The following ZNF280D variants were observed in gnomAD, a reference collection of about 807,000 sequenced individuals.
ZNF280D encodes the protein suppressor of hairy wing homolog 4.
Under a neutral mutation model 94.7 loss-of-function variants are expected in ZNF280D, and 39 were observed. The ratio of observed to expected loss-of-function variants is 0.41; its 90% confidence interval spans 0.32 to 0.54. ZNF280D has a LOEUF of 0.54. Ranked by LOEUF, ZNF280D falls within the 20% of genes least tolerant of loss-of-function variation. The probability of loss-of-function intolerance (pLI) is 0.22; values close to 1 mark genes in which losing one functional copy is unlikely to be tolerated. For missense variants in ZNF280D, 1,090 were observed against 1,149.3 expected, an observed-to-expected ratio of 0.95 and a Z score of 0.75; for synonymous variants, 398 against 377.6, an observed-to-expected ratio of 1.05 and a Z score of -0.63.
At chr15:56,728,334 A>T (rs1275037871) in intron 1 of ZNF280D, among the ~76,000 whole-genome samples, 1 of 152,338 alleles carries the variant, frequency 6.6e-6, no homozygotes, top group East Asian at 1.9e-4. Flanking sequence ...TACAACGCTT[A>T]AGTGCCCAAG....
intron 13 of ZNF280D, among the ~76,000 whole-genome samples, chr15:56,673,781 A>C (rs1213651795): frequency 6.6e-6 from 1 of 151,724 alleles, no homozygotes; most frequent in Non-Finnish European, 1.5e-5. Context: ...CCAGGTATAC[A>C]CTCACCTCAC....
Position 56,666,976 on chromosome 15 carries a change from C to T in ZNF280D, c.1556G>A (p.Arg519Gln). 1.3e-6 allele frequency: 2 copies of T among 1,583,060 alleles called. No homozygotes were observed. Among genetic ancestry groups the T allele is most frequent in the Non-Finnish European group, 1.7e-6 (2 of 1,166,004 alleles). The stretch of plus-strand genomic sequence containing the variant: ...TGATTGCAGAGGTCCAACTGAAGCT[C>T]GAATAGTAACCTACAAAAATAAAGA... ...GLPPGTKVTI[R>Q]ASVGPLQSGA... Residue 519 changes from arginine to glutamine, a missense_variant, in exon 15 of 22, where the codon CGA becomes CAA. By Grantham distance (43) the Arg-to-Gln change is conservative (BLOSUM62 1). Transcript: ENST00000267807.
chr15:56,731,742 C>G (rs990831359), intron 1 of ZNF280D, among the ~76,000 whole-genome samples: 16 of 151,980 alleles, frequency 1.1e-4, no homozygotes, highest in Non-Finnish European at 1.9e-4. Flanking sequence ...GTTCAGAAAA[C>G]AGAATGTGAG....
intron 1 of ZNF280D, chr15:56,724,833 A>G (rs2058553331): frequency 2.2e-6 from 1 of 450,542 alleles, no homozygotes; most frequent in South Asian, 1.6e-5. Context: ...AGTAGTGCCA[A>G]TTTTCTTATT....
intron 6 of ZNF280D, among the ~76,000 whole-genome samples, chr15:56,695,533 C>T (rs1483326635): frequency 7.1e-6 from 1 of 140,754 alleles, no homozygotes; most frequent in African/African-American, 2.7e-5. Flanking sequence ...CAAAAATTAA[C>T]TTTTTTTTTT....
At chr15:56,697,190 C>CT (rs1171483869) in intron 6 of ZNF280D, among the ~76,000 whole-genome samples, 154 of 146,430 alleles carry the variant, frequency 1.1e-3, no homozygotes, top group Admixed American at 3.1e-3. Context: ...ACACCTATTA[C>CT]TTTTTTTTTT....
At chr15:56,700,380 T>C in intron 6 of ZNF280D, 1 of 522,192 alleles carries the variant, frequency 1.9e-6, no homozygotes, top group Non-Finnish European at 2.5e-6. Context: ...AAGAACTAAA[T>C]GAAATGAATT....
At chr15:56,720,093 G>T (rs1264631225) in intron 1 of ZNF280D, among the ~76,000 whole-genome samples, 1 of 152,022 alleles carries the variant, frequency 6.6e-6, no homozygotes, top group Non-Finnish European at 1.5e-5. Flanking sequence ...TTTACAAAAG[G>T]TTTCTTGGTA....
chr15:56,685,562 A>G (rs1004990204), intron 9 of ZNF280D, among the ~76,000 whole-genome samples: 1 of 152,192 alleles, frequency 6.6e-6, no homozygotes, highest in Non-Finnish European at 1.5e-5. Context: ...AAAGGTAAAC[A>G]AATGCTCAGA....
At chr15:56,722,861 A>G (rs1322329159) in intron 1 of ZNF280D, among the ~76,000 whole-genome samples, 2 of 151,992 alleles carry the variant, frequency 1.3e-5, no homozygotes, top group Non-Finnish European at 2.9e-5. Context: ...GGATTAAGAA[A>G]ATGTGGCACA....
chr15:56,716,176 A>G (rs1456701759), intron 1 of ZNF280D, among the ~76,000 whole-genome samples: 1 of 152,124 alleles, frequency 6.6e-6, no homozygotes, highest in African/African-American at 2.4e-5. Context: ...TAGGAATACA[A>G]TAATGAACAA....
intron 4 of ZNF280D, among the ~76,000 whole-genome samples, chr15:56,703,548 T>C (rs1166073724): frequency 6.6e-6 from 1 of 152,252 alleles, no homozygotes; most frequent in East Asian, 1.9e-4. Context: ...TGAAAAAGAA[T>C]AAACAGATAA....
At chr15:56,647,858 T>G (rs1446205449) in intron 19 of ZNF280D, among the ~76,000 whole-genome samples, 1 of 152,106 alleles carries the variant, frequency 6.6e-6, no homozygotes, top group African/African-American at 2.4e-5. Flanking sequence ...TTCATATAAC[T>G]TCAAAATCAA....
chr15:56,707,182 C>A, intron 2 of ZNF280D, 32 bp from the exon 3 acceptor site: 1 of 1,610,700 alleles, frequency 6.2e-7, no homozygotes, highest in South Asian at 1.1e-5. Flanking sequence ...TTTAATGAGT[C>A]ACTTTAAGTA....
At chr15:56,634,074 G>A (rs2052227472) in intron 21 of ZNF280D, 1 of 152,038 alleles carries the variant, frequency 6.6e-6, no homozygotes, top group South Asian at 2.1e-4. Flanking sequence ...GAATGGAGAA[G>A]GAACAAAGAA....
At position 56,700,952 on chromosome 15, in the gene ZNF280D, A is replaced by C; in HGVS notation, c.362T>G (p.Val121Gly). The change falls in exon 6 of 22, where the codon GTT becomes GGT. Residue 121 changes from valine (V) to glycine (G), a missense_variant. Val to Gly is a moderately radical substitution (Grantham distance 109). Coordinates refer to ENST00000267807, the MANE Select transcript of ZNF280D (RefSeq NM_017661.4). ...ESRSSDSSVI[V>G]QPFSKPGYIT... Reference sequence around the variant, plus strand: ...ACTTACAGGTTTAGAAAAAGGCTGAACAATAACAGAACTATCTGAAGATCT... The same window carrying C: ...ACTTACAGGTTTAGAAAAAGGCTGACCAATAACAGAACTATCTGAAGATCT... 2 of 1,613,942 alleles carry C rather than the reference A, an allele frequency of 1.2e-6. No homozygotes were observed. The highest frequency in any genetic ancestry group is 8.5e-7 in the Non-Finnish European group (1 of 1,179,852).
At chr15:56,648,548 C>G (rs1350501733) in intron 19 of ZNF280D, among the ~76,000 whole-genome samples, 2 of 151,944 alleles carry the variant, frequency 1.3e-5, no homozygotes, top group African/African-American at 4.8e-5. Flanking sequence ...AGTTTAGTCT[C>G]TGAAGACAGA....
At chr15:56,649,057 G>C (rs1157830342) in intron 19 of ZNF280D, among the ~76,000 whole-genome samples, 3 of 151,988 alleles carry the variant, frequency 2.0e-5, no homozygotes, top group South Asian at 4.1e-4. Context: ...TAAAGACAGA[G>C]AGACAAGAAA....
chr15:56,685,673 A>T (rs992593924), intron 9 of ZNF280D, among the ~76,000 whole-genome samples: 3 of 152,226 alleles, frequency 2.0e-5, no homozygotes, highest in African/African-American at 7.2e-5. Flanking sequence ...AGAAAAGAAC[A>T]GTAGAGAATT....
Sources: gnomAD v4.1 joint callset for allele counts (sites outside exome capture counted in the v4.1 genomes callset) on GRCh38, gnomAD v4.1.1 for gene constraint, MANE v1.5 for transcripts, NCBI Gene and HGNC (gene_info 2026-07-23, HGNC 2026-07-21) for gene names.